KLHL2: variants seen among roughly 807,000 people sequenced by gnomAD.
KLHL2 encodes kelch-like protein 2.
In KLHL2, 15 loss-of-function variants were observed where a neutral mutation model predicts 75.8. The observed-to-expected ratio is 0.20, with a 90% CI of 0.13 to 0.30. The LOEUF is 0.30. KLHL2 is among the 10% of genes least tolerant of loss of function. KLHL2 has a pLI of 1.00. For synonymous variants in KLHL2, 214 were observed against 251.9 expected (o/e 0.85, Z 1.42); for missense variants, 381 against 741.0 (o/e 0.51, Z 5.64).
chr4:165,320,942 C>T (rs1157740461), intron 14 of KLHL2, among the ~76,000 whole-genome samples: 1 of 152,094 alleles, frequency 6.6e-6, no homozygotes, highest in Non-Finnish European at 1.5e-5. Context: ...TGCTTCTTAA[C>T]CACTGCCAGA....
chr4:165,282,412 T>C (rs181206191), intron 5 of KLHL2, among the ~76,000 whole-genome samples: 1 of 152,216 alleles, frequency 6.6e-6, no homozygotes, highest in Non-Finnish European at 1.5e-5. Flanking sequence ...GTTAGGCTTT[T>C]AGTTGATGGT....
At chr4:165,225,819 C>T (rs1738390070) in intron 2 of KLHL2, among the ~76,000 whole-genome samples, 1 of 152,174 alleles carries the variant, frequency 6.6e-6, no homozygotes, top group African/African-American at 2.4e-5. Context: ...AAATTGAATA[C>T]TAAAACTAAA....
intron 1 of KLHL2, among the ~76,000 whole-genome samples, chr4:165,210,453 A>C (rs553961945): frequency 6.6e-6 from 1 of 152,118 alleles, no homozygotes; most frequent in African/African-American, 2.4e-5. Flanking sequence ...TCCAACTTTC[A>C]TCCTTTTTAA....
chr4:165,247,586 G>T (rs552573331), intron 4 of KLHL2, among the ~76,000 whole-genome samples: 4 of 151,998 alleles, frequency 2.6e-5, no homozygotes, highest in African/African-American at 7.2e-5. Context: ...AAATGAAGGG[G>T]TTTACCTTAG....
intron 13 of KLHL2, among the ~76,000 whole-genome samples, chr4:165,314,925 C>A (rs1434223539): frequency 6.6e-6 from 1 of 152,068 alleles, no homozygotes; most frequent in Admixed American, 6.5e-5. Flanking sequence ...CCATTGGACA[C>A]CCCCCTCCAT....
chr4:165,275,172 G>A (rs1742989762), intron 5 of KLHL2, among the ~76,000 whole-genome samples: 1 of 149,674 alleles, frequency 6.7e-6, no homozygotes, highest in African/African-American at 2.5e-5. Context: ...ATTATTTTTT[G>A]TATCATGTCT....
At chr4:165,262,370 C>T (rs896575715) in intron 4 of KLHL2, among the ~76,000 whole-genome samples, 27 of 152,036 alleles carry the variant, frequency 1.8e-4, no homozygotes, top group Admixed American at 1.2e-3. Flanking sequence ...TGTTCTACCC[C>T]GTAAGGAAAG....
chr4:165,221,508 G>C (rs373854292), intron 2 of KLHL2, among the ~76,000 whole-genome samples: 1 of 151,898 alleles, frequency 6.6e-6, no homozygotes, highest in Non-Finnish European at 1.5e-5. Context: ...TGCAGTGCAC[G>C]TGGCGGTGGA....
chr4:165,297,407 TA>T (rs200104494), intron 6 of KLHL2, among the ~76,000 whole-genome samples: 2,812 of 142,062 alleles, frequency 0.02, 82 homozygotes, highest in African/African-American at 0.064. Context: ...TTTGGGTAAA[TA>T]AAAAAAAAAA....
chr4:165,235,839 G>A (rs1294297954), intron 3 of KLHL2, among the ~76,000 whole-genome samples: 3 of 152,210 alleles, frequency 2.0e-5, no homozygotes, highest in Middle Eastern at 3.4e-3. Flanking sequence ...AAGAGCATCA[G>A]GGGTAAGACA....
chr4:165,229,572 A>G (rs1471689748), intron 3 of KLHL2, among the ~76,000 whole-genome samples: 1 of 152,204 alleles, frequency 6.6e-6, no homozygotes, highest in Non-Finnish European at 1.5e-5. Flanking sequence ...CAAAAAGCAA[A>G]AATACAAAGC....
intron 4 of KLHL2, among the ~76,000 whole-genome samples, chr4:165,243,260 TCCG>T (rs1739966967): frequency 6.6e-6 from 1 of 152,262 alleles, no homozygotes; most frequent in Non-Finnish European, 1.5e-5. Context: ...GTTTGACTTC[TCCG>T]CCTTTGGGTA....
chr4:165,265,857 A>C (rs1278213312), intron 5 of KLHL2, among the ~76,000 whole-genome samples: 1 of 152,160 alleles, frequency 6.6e-6, no homozygotes, highest in African/African-American at 2.4e-5. Context: ...TGCTGGGTCA[A>C]ATGGTATTTG....
chr4:165,280,354 A>G (rs1743569529), intron 5 of KLHL2, among the ~76,000 whole-genome samples: 1 of 152,252 alleles, frequency 6.6e-6, no homozygotes, highest in Non-Finnish European at 1.5e-5. Flanking sequence ...TTTTTATAAC[A>G]GTTTCTTCTA....
intron 5 of KLHL2, chr4:165,279,422 A>G (rs1743463173): frequency 6.3e-7 from 1 of 1,599,378 alleles, no homozygotes; most frequent in Middle Eastern, 1.7e-4. Context: ...GAGCTGTCCA[A>G]GTTTCTCACA....
chr4:165,241,194 A>G (rs60300884), intron 4 of KLHL2, among the ~76,000 whole-genome samples: 21,777 of 152,160 alleles, frequency 0.14, 1,967 homozygotes, highest in African/African-American at 0.25. Flanking sequence ...TTTATTTTCA[A>G]TTGAAAAATA....
intron 2 of KLHL2, among the ~76,000 whole-genome samples, chr4:165,222,008 A>G (rs141873438): frequency 0.084 from 12,762 of 152,014 alleles, 604 homozygotes; most frequent in Middle Eastern, 0.1. Context: ...GACTTTTAAT[A>G]GGACTATTCA....
intron 4 of KLHL2, among the ~76,000 whole-genome samples, chr4:165,239,570 T>G (rs1739643563): frequency 6.6e-6 from 1 of 152,214 alleles, no homozygotes; most frequent in African/African-American, 2.4e-5. Context: ...CCCAGCCTAT[T>G]CTTTGTTTTA....
intron 4 of KLHL2, among the ~76,000 whole-genome samples, chr4:165,251,611 T>TG (rs1269639354): frequency 7.1e-6 from 1 of 140,586 alleles, no homozygotes; most frequent in East Asian, 1.9e-4. Context: ...GGTTTTTTTT[T>TG]TTTGTTTTTT....
Sources: gnomAD v4.1 joint callset for allele counts (sites outside exome capture counted in the v4.1 genomes callset) on GRCh38, gnomAD v4.1.1 for gene constraint, MANE v1.5 for transcripts, NCBI Gene and HGNC (gene_info 2026-07-23, HGNC 2026-07-21) for gene names.